The following ZHX3 variants were observed in gnomAD, a reference collection of about 807,000 sequenced individuals.
The protein encoded by ZHX3 is zinc fingers and homeoboxes protein 3.
ZHX3 carries 20 observed loss-of-function variants against 64.5 expected under a neutral mutation model. The ratio of observed to expected loss-of-function variants is 0.31; its 90% CI spans 0.22 to 0.45. The LOEUF is 0.45. ZHX3 is among the 20% of genes least tolerant of loss of function. The pLI, the probability that ZHX3 is intolerant of heterozygous loss-of-function variation, is 1.00. For synonymous variants in ZHX3, 423 were observed against 461.6 expected (o/e 0.92, Z 1.07); for missense variants, 1,041 against 1,195.8 (o/e 0.87, Z 1.91).
At position 41,179,374 on chromosome 20, in the gene ZHX3, CCTG is replaced by C. The variant is rs774124522; in HGVS notation, c.*5814_*5816del. On this transcript the variant is annotated 3_prime_UTR_variant, in exon 4 of 4. Transcript: ENST00000683867. The surrounding 1 kb of genome is among the most constrained non-coding windows in gnomAD (Gnocchi z 4.3). ...GGAGTAGGGACTGGCGCTCCTCACTCCTGCTGACAATCTCATGTGGGGCTCTGG... is the reference window on the plus strand; with the variant it reads ...GGAGTAGGGACTGGCGCTCCTCACTCCTGACAATCTCATGTGGGGCTCTGG... 6.6e-5 allele frequency: 10 copies of C among 152,090 alleles called. No homozygotes were observed. Among genetic ancestry groups the C allele is most frequent in the Non-Finnish European group, 1.3e-4 (9 of 68,046 alleles). 9.4% of individuals were successfully genotyped at this position (152,090 alleles called of 1,614,324 possible). A position where few individuals can be genotyped will look rare whatever the true frequency, so the allele number is the denominator to read the frequency against.
Position 41,203,853 on chromosome 20 carries a change from T to C in ZHX3, c.1064A>G (p.Gln355Arg), listed in dbSNP as rs2038470241. ...CCAGCTGATCCCCTGCTTCAGCCTTTGGGCTGTGAACCAGATCTTGAGCTG... is the reference window on the plus strand; with the variant it reads ...CCAGCTGATCCCCTGCTTCAGCCTTCGGGCTGTGAACCAGATCTTGAGCTG... ...EEQLKIWFTA[Q>R]RLKQGISWSP... Residue 355 changes from glutamine (Q) to arginine (R), a missense_variant, in exon 3 of 4, where the codon CAA becomes CGA. By Grantham distance (43) the Gln-to-Arg change is conservative. This residue lies in a region of ZHX3 where 28 missense variants were observed against 66.7 expected (regional missense o/e 0.42). Transcript: ENST00000683867. The surrounding 1 kb of genome is among the most constrained non-coding windows in gnomAD (Gnocchi z 7.1). 3.7e-6 allele frequency: 6 copies of C among 1,614,254 alleles called. No homozygotes were observed. Among genetic ancestry groups the C allele is most frequent in the Non-Finnish European group, 5.1e-6 (6 of 1,180,038 alleles).
chr20:41,228,693 A>G lies in ZHX3; in HGVS notation c.-150-23627T>C, dbSNP rs2040418454. ...TCCAAATGCCTCACCTCCTAAGACA[A>G]TCACATTAGGGATTAAAATTTCAAC... is the stretch of plus-strand genomic sequence containing the variant. On this transcript the variant is annotated intron_variant, in intron 2 of 3. Coordinates refer to ENST00000683867, the MANE Select transcript of ZHX3 (RefSeq NM_001384317.1). The surrounding 1 kb of genome is among the most constrained non-coding windows in gnomAD (Gnocchi z 4.6). Among the ~76,000 whole-genome samples the G allele has an allele frequency of 6.6e-6, 1 of 152,174 alleles. No homozygotes were observed. Among genetic ancestry groups the G allele is most frequent in the South Asian group, 2.1e-4 (1 of 4,828 alleles).
intron 2 of ZHX3, among the ~76,000 whole-genome samples, chr20:41,245,182 C>T (rs945613435): frequency 3.9e-5 from 6 of 152,206 alleles, no homozygotes; most frequent in African/African-American, 1.4e-4. Context: ...TTCACAGCAT[C>T]ATGTAATACC....
chr20:41,255,211 G>GC (rs2042185218), intron 2 of ZHX3, among the ~76,000 whole-genome samples: 1 of 152,072 alleles, frequency 6.6e-6, no homozygotes, highest in Admixed American at 6.5e-5. Context: ...GAGTGCAGTG[G>GC]CGCCATCTCG....
chr20:41,255,255 C>T (rs1428997763), intron 2 of ZHX3, among the ~76,000 whole-genome samples: 1 of 152,092 alleles, frequency 6.6e-6, no homozygotes, highest in Non-Finnish European at 1.5e-5. Context: ...GGGTTCACGC[C>T]ATTCTCTTGC....
rs1198014945 is a variant in ZHX3 at position 41,232,492 on chromosome 20, T to A, written c.-150-27426A>T. Among the ~76,000 whole-genome samples the A allele has an allele frequency of 6.6e-6, 1 of 152,122 alleles. No homozygotes were observed. Among genetic ancestry groups the A allele is most frequent in the Non-Finnish European group, 1.5e-5 (1 of 68,026 alleles). On this transcript the variant is annotated intron_variant, in intron 2 of 3. Transcript: ENST00000683867. The surrounding 1 kb of genome is among the most constrained non-coding windows in gnomAD (Gnocchi z 5.0). ...AATTCTCAACTGGCTAGTCCTCAAATGAATCACGTAGCATACAACCACAGG... is the reference window on the plus strand; with the variant it reads ...AATTCTCAACTGGCTAGTCCTCAAAAGAATCACGTAGCATACAACCACAGG...
At chr20:41,258,092 G>A (rs779327603) in intron 2 of ZHX3, among the ~76,000 whole-genome samples, 2 of 151,254 alleles carry the variant, frequency 1.3e-5, no homozygotes, top group Non-Finnish European at 2.9e-5. Flanking sequence ...TAGAGATGAG[G>A]TTTCACCAAG....
intron 2 of ZHX3, among the ~76,000 whole-genome samples, chr20:41,246,516 T>A (rs565926604): frequency 6.6e-6 from 1 of 152,208 alleles, no homozygotes; most frequent in Non-Finnish European, 1.5e-5. Flanking sequence ...GATATTTTCA[T>A]AGGGTAATAG....
chr20:41,299,691 A>C (rs1488398338), intron 1 of ZHX3, among the ~76,000 whole-genome samples: 1 of 152,014 alleles, frequency 6.6e-6, no homozygotes, highest in African/African-American at 2.4e-5. Context: ...GCGAAACCCT[A>C]TCTCTACTAA....
chr20:41,193,038 G>A (rs754395532), intron 3 of ZHX3, among the ~76,000 whole-genome samples: 2 of 152,050 alleles, frequency 1.3e-5, no homozygotes. Context: ...TCCTTACTTT[G>A]TTTCCTGTCT....
chr20:41,233,582 G>A (rs2040768050), intron 2 of ZHX3, among the ~76,000 whole-genome samples: 1 of 152,174 alleles, frequency 6.6e-6, no homozygotes, highest in Non-Finnish European at 1.5e-5. Flanking sequence ...TAAAACATAT[G>A]CCCTGTGTCT....
chr20:41,268,765 C>T (rs982767739), intron 2 of ZHX3, among the ~76,000 whole-genome samples: 8 of 152,162 alleles, frequency 5.3e-5, no homozygotes, highest in East Asian at 1.9e-4. Context: ...AAGAAATCAT[C>T]GAAGTTGTAG....
At chr20:41,267,671 A>C (rs2042929344) in intron 2 of ZHX3, 1 of 152,264 alleles carries the variant, frequency 6.6e-6, no homozygotes, top group South Asian at 2.1e-4. Context: ...TATCATTTTC[A>C]ATTGAGGGTA....
intron 2 of ZHX3, among the ~76,000 whole-genome samples, chr20:41,248,656 C>T (rs536474709): frequency 3.3e-4 from 51 of 152,308 alleles, no homozygotes; most frequent in Non-Finnish European, 6.5e-4. Context: ...CCATGGTGCT[C>T]AAAACTGTAT....
At chr20:41,237,149 T>G (rs2041058540) in intron 2 of ZHX3, among the ~76,000 whole-genome samples, 1 of 152,136 alleles carries the variant, frequency 6.6e-6, no homozygotes, top group Admixed American at 6.5e-5. Flanking sequence ...ATAGGAACAC[T>G]TTTACACTGT....
chr20:41,271,650 A>G (rs930468314), intron 1 of ZHX3, among the ~76,000 whole-genome samples: 1 of 152,052 alleles, frequency 6.6e-6, no homozygotes, highest in African/African-American at 2.4e-5. Context: ...CTCATTCATA[A>G]AAAAAAAGCT....
At chr20:41,284,405 T>A (rs1018740726) in intron 1 of ZHX3, among the ~76,000 whole-genome samples, 1 of 152,202 alleles carries the variant, frequency 6.6e-6, no homozygotes, top group Non-Finnish European at 1.5e-5. Flanking sequence ...GATGGCCCAC[T>A]ACCTCCTAGG....
intron 2 of ZHX3, among the ~76,000 whole-genome samples, chr20:41,256,767 C>T (rs960289820): frequency 6.6e-6 from 1 of 151,460 alleles, no homozygotes; most frequent in African/African-American, 2.4e-5. Flanking sequence ...GCAGACTTCC[C>T]GTCTGCTGTC....
At position 41,184,396 on chromosome 20, in the gene ZHX3, T is replaced by C. The variant is rs2036357831; in HGVS notation, c.*795A>G. 1 of 154,246 alleles carries C rather than the reference T, an allele frequency of 6.5e-6. No individual in the cohort carries two copies. Among genetic ancestry groups the C allele is most frequent in the Non-Finnish European group, 1.4e-5 (1 of 69,532 alleles). The allele number at this position is 154,246 out of a possible 1,614,324, so 9.6% of individuals were successfully genotyped here. ...GGCTTAACAACAAATGTTTCTTTAG[T>C]TGATCTGATAACTGAAAAGTTATGG... On this transcript the variant is annotated 3_prime_UTR_variant, in exon 4 of 4. Transcript: ENST00000683867.
Sources: allele counts gnomAD v4.1 joint callset (sites outside exome capture counted in the v4.1 genomes callset), GRCh38; gene constraint gnomAD v4.1.1; regional missense constraint gnomAD v4.1.1; non-coding constraint Gnocchi (gnomAD v3.1); transcripts MANE v1.5; gene names NCBI Gene and HGNC (gene_info 2026-07-23, HGNC 2026-07-21).